Variants in CFAP54 observed in about 807,000 individuals in gnomAD.
CFAP54 encodes cilia and flagella associated protein 54.
Under a neutral mutation model 370.4 loss-of-function variants are expected in CFAP54, and 290 were observed. That is an observed-to-expected ratio of 0.78 (90% CI 0.71 to 0.86). The LOEUF (loss-of-function observed/expected upper bound fraction) is 0.86. CFAP54 is among the 40% of genes least tolerant of loss of function. The pLI, the probability that CFAP54 is intolerant of heterozygous loss-of-function variation, is 0.00. For synonymous variants in CFAP54, 1,206 were observed against 1,236.5 expected, an observed-to-expected ratio of 0.98 and a Z score of 0.52; for missense variants, 3,399 against 3,528.7, an observed-to-expected ratio of 0.96 and a Z score of 0.93.
Position 96,712,710 on chromosome 12 carries a change from G to A in CFAP54, c.6724+3907G>A, listed in dbSNP as rs138251236. On this transcript the variant is annotated intron_variant, in intron 48 of 67. Coordinates refer to ENST00000524981, the MANE Select transcript of CFAP54 (RefSeq NM_001306084.2). Reference sequence around the variant, plus strand: ...CCCTTCCCAGCCTCTAGTAACCACCGTTCTCTCTACCTCCATGAAAACAAT... The same window carrying A: ...CCCTTCCCAGCCTCTAGTAACCACCATTCTCTCTACCTCCATGAAAACAAT... 5.0e-3 allele frequency among the ~76,000 whole-genome samples: 752 copies of A among 151,834 alleles called. 4 individuals are homozygous for A. The highest frequency in any genetic ancestry group is 0.017 in the African/African-American group (707 of 41,386).
chr12:96,554,539 C>T (rs965864930), intron 16 of CFAP54, 137 bp from the exon 17 acceptor site: 221 of 1,077,462 alleles, frequency 2.1e-4, no homozygotes, highest in Middle Eastern at 4.9e-4. Context: ...TTTAAGCAAA[C>T]TGCAAAGGGC....
chr12:96,816,448 C>A (rs1314365941), intron 64 of CFAP54, among the ~76,000 whole-genome samples: 1 of 152,116 alleles, frequency 6.6e-6, no homozygotes, highest in African/African-American at 2.4e-5. Context: ...TTGCATTTAA[C>A]TGTTGCCTTT....
Position 96,489,607 on chromosome 12 carries a change from A to G in CFAP54, c.-3A>G. The G allele has an allele frequency of 1.3e-6, 2 of 1,513,402 alleles. No homozygotes were observed. Among genetic ancestry groups the G allele is most frequent in the Non-Finnish European group, 1.8e-6 (2 of 1,131,056 alleles). The allele number at this position is 1,513,402 out of a possible 1,614,324, so 93.7% of individuals were successfully genotyped here. ...TACTCCAGGCGGGCCGGGGCGCGTC[A>G]ATATGGCGGCGCAGGGCTCCCCCTC... On this transcript the variant is annotated 5_prime_UTR_variant, in exon 1 of 68. Transcript: ENST00000524981.
At chr12:96,728,098 C>T (rs141731081) in intron 50 of CFAP54, among the ~76,000 whole-genome samples, 1,620 of 152,298 alleles carry the variant, frequency 0.011, 21 homozygotes, top group African/African-American at 0.036. Context: ...TTCTCTCTGG[C>T]TGCCCTTAAC....
rs909956340 is a variant in CFAP54, at chr12:96,687,974, A to G, written c.6015-942A>G. 3.9e-5 allele frequency among the ~76,000 whole-genome samples: 6 copies of G among 152,304 alleles called. No homozygotes were observed. The East Asian group carries it at 1.2e-3, about 29-fold the overall frequency. ...AAGTCTGACTGCCATAGGAGATGTC[A>G]TTCTACGGGGGCTTTGGCTGTTTTC... On this transcript the variant is annotated intron_variant, in intron 42 of 67. Transcript: ENST00000524981.
intron 31 of CFAP54, 21 bp downstream of exon 31, chr12:96,630,225 G>T: frequency 1.6e-6 from 2 of 1,222,776 alleles, no homozygotes; most frequent in South Asian, 2.7e-5. Context: ...TATGAGTTTT[G>T]AATTTTAGGT....
chr12:96,855,857 G>A (rs1159429968), intron 66 of CFAP54, among the ~76,000 whole-genome samples: 1 of 152,190 alleles, frequency 6.6e-6, no homozygotes, highest in African/African-American at 2.4e-5. Flanking sequence ...GCCCCAGTGG[G>A]ACTCTGTATG....
intron 66 of CFAP54, among the ~76,000 whole-genome samples, chr12:96,841,614 A>G (rs113841616): frequency 2.0e-5 from 3 of 152,320 alleles, no homozygotes; most frequent in African/African-American, 7.2e-5. Context: ...TTTTGCATCT[A>G]TTCCACCTAT....
chr12:96,622,445 A>G (rs1406874636), intron 27 of CFAP54, among the ~76,000 whole-genome samples: 1 of 150,408 alleles, frequency 6.6e-6, no homozygotes, highest in African/African-American at 2.4e-5. Context: ...CCACCTCCTC[A>G]GTTCAAGTGA....
chr12:96,864,273 C>T (rs1035245280), intron 67 of CFAP54, among the ~76,000 whole-genome samples: 2 of 152,130 alleles, frequency 1.3e-5, no homozygotes, highest in African/African-American at 2.4e-5. Flanking sequence ...GGAACAGACA[C>T]AGGCGAGGGA....
At chr12:96,538,351 C>A in intron 12 of CFAP54, 33 bp from the exon 13 acceptor site, 2 of 1,492,330 alleles carry the variant, frequency 1.3e-6, no homozygotes, top group Non-Finnish European at 1.8e-6. Flanking sequence ...TTTTATTATT[C>A]CTACTCATTT....
chr12:96,716,065 A>G (rs1183008937), intron 48 of CFAP54, among the ~76,000 whole-genome samples: 1 of 152,122 alleles, frequency 6.6e-6, no homozygotes, highest in Non-Finnish European at 1.5e-5. Context: ...TCCTGATTTT[A>G]GTTGATTTTA....
intron 48 of CFAP54, among the ~76,000 whole-genome samples, chr12:96,711,466 C>G (rs1365111594): frequency 6.6e-6 from 1 of 152,138 alleles, no homozygotes; most frequent in African/African-American, 2.4e-5. Flanking sequence ...CTCAGTGTTA[C>G]TTTGCTTAAG....
intron 19 of CFAP54, chr12:96,572,855 G>A: frequency 2.0e-6 from 2 of 985,238 alleles, no homozygotes; most frequent in Non-Finnish European, 2.4e-6. Context: ...GTTGAGAAAT[G>A]TCTATGTTAT....
intron 64 of CFAP54, 91 bp downstream of exon 64, chr12:96,811,933 G>T: frequency 2.8e-6 from 2 of 710,106 alleles, no homozygotes; most frequent in South Asian, 2.1e-5. Flanking sequence ...TAGCATAGGA[G>T]ACCTGCTAAA....
intron 65 of CFAP54, among the ~76,000 whole-genome samples, chr12:96,825,313 A>AACATGT (rs1959077656): frequency 1.5e-5 from 2 of 129,346 alleles, no homozygotes; most frequent in African/African-American, 5.9e-5. Context: ...TATATATAAT[A>AACATGT]TAATATATAT....
intron 12 of CFAP54, among the ~76,000 whole-genome samples, chr12:96,536,986 T>TTC (rs764650312): frequency 0.11 from 15,143 of 143,076 alleles, 900 homozygotes; most frequent in Middle Eastern, 0.18. Flanking sequence ...TTCAATTCAA[T>TTC]ACAATTCAAT....
chr12:96,538,840 C>A (rs752114363), intron 13 of CFAP54, among the ~76,000 whole-genome samples: 1 of 151,850 alleles, frequency 6.6e-6, no homozygotes, highest in Admixed American at 6.6e-5. Flanking sequence ...CAACCTCTGC[C>A]TCCTGGGCTC....
intron 66 of CFAP54, among the ~76,000 whole-genome samples, chr12:96,845,729 T>C (rs1959324454): frequency 2.6e-5 from 4 of 152,214 alleles, no homozygotes; most frequent in Admixed American, 2.6e-4. Flanking sequence ...ATAAACTTTC[T>C]GACAGCTAAG....
Sources: gnomAD v4.1 joint callset for allele counts (sites outside exome capture counted in the v4.1 genomes callset) on GRCh38, gnomAD v4.1.1 for gene constraint, MANE v1.5 for transcripts, NCBI Gene and HGNC (gene_info 2026-07-23, HGNC 2026-07-21) for gene names.